The following CANX variants were observed in gnomAD, a reference collection of about 807,000 sequenced individuals.
CANX encodes calnexin.
CANX carries 14 observed loss-of-function variants against 75.7 expected under a neutral mutation model. The ratio of observed to expected loss-of-function variants is 0.19; its 90% CI spans 0.12 to 0.29. The LOEUF is 0.29. CANX is among the 10% of genes least tolerant of loss of function. CANX has a pLI of 1.00. For missense variants in CANX, 567 were observed against 713.2 expected (o/e 0.79, Z 2.34); for synonymous variants, 227 against 236.9 (o/e 0.96, Z 0.38).
chr5:179,720,876 C>T (rs907253242), intron 10 of CANX, among the ~76,000 whole-genome samples: 6 of 152,068 alleles, frequency 3.9e-5, no homozygotes, highest in Admixed American at 1.3e-4. Context: ...CTCTGCCTTC[C>T]GGTTTCAAGC....
chr5:179,705,603 T>G, intron 1 of CANX, 76 bp from the exon 2 acceptor site: 13 of 1,025,988 alleles, frequency 1.3e-5, no homozygotes, highest in African/African-American at 1.6e-5. Flanking sequence ...TAATTTTAAA[T>G]GAGAGAGTGG....
intron 4 of CANX, 100 bp from the exon 5 acceptor site, chr5:179,708,139 A>C: frequency 1.1e-6 from 1 of 938,466 alleles, no homozygotes; most frequent in South Asian, 1.4e-5. Flanking sequence ...CGGCTGCCCC[A>C]GTATAATATA....
chr5:179,697,184 C>T (rs1050923063), upstream of CANX, among the ~76,000 whole-genome samples: 8 of 152,114 alleles, frequency 5.3e-5, no homozygotes, highest in Non-Finnish European at 1.2e-4. Flanking sequence ...CCTCAGTCTT[C>T]CTAGTATCTG....
chr5:179,681,817 ATG>A (rs1776070825), intron 1 of CANX, among the ~76,000 whole-genome samples: 1 of 152,030 alleles, frequency 6.6e-6, no homozygotes, highest in Non-Finnish European at 1.5e-5. Flanking sequence ...GCGTGGTGGC[ATG>A]CGACTGTAGT....
chr5:179,700,459 A>C (rs1482873943), intron 1 of CANX: 1 of 152,208 alleles, frequency 6.6e-6, no homozygotes, highest in Non-Finnish European at 1.5e-5. Flanking sequence ...ATTTGGTATA[A>C]TTATACTTAG....
chr5:179,704,590 C>T (rs1398253455), intron 1 of CANX, among the ~76,000 whole-genome samples: 1 of 151,422 alleles, frequency 6.6e-6, no homozygotes, highest in East Asian at 1.9e-4. Flanking sequence ...AATCCCAGCA[C>T]TTTGGGAGGC....
rs1778229438 is a variant in CANX at position 179,720,317 on chromosome 5, C to G, written c.1026-87C>G. The G allele has an allele frequency of 5.5e-6, 5 of 913,426 alleles. No homozygotes were observed. In the South Asian group the frequency reaches 6.9e-5, roughly 13 times the overall value. 56.6% of individuals were successfully genotyped at this position (913,426 alleles called of 1,614,324 possible). A position where few individuals can be genotyped will look rare whatever the true frequency, so the allele number is the denominator to read the frequency against. Reference sequence around the variant, plus strand: ...CTGGGATACTGTGAAAACATTTCAGCAGGATCTTGGCAGCCCTGGGCCAGC... The same window carrying G: ...CTGGGATACTGTGAAAACATTTCAGGAGGATCTTGGCAGCCCTGGGCCAGC... On this transcript the variant is annotated intron_variant, in intron 9 of 14. Coordinates refer to ENST00000247461, the MANE Select transcript of CANX (RefSeq NM_001746.4).
intron 7 of CANX, among the ~76,000 whole-genome samples, 196 bp downstream of exon 7, chr5:179,710,261 A>G (rs554843712): frequency 2.7e-4 from 41 of 151,944 alleles, no homozygotes; most frequent in Non-Finnish European, 5.6e-4. Flanking sequence ...CACCTCTACT[A>G]AAAATACAAA....
intron 1 of CANX, among the ~76,000 whole-genome samples, chr5:179,684,924 G>GTTTTTTTTTTTTTTTT (rs781629512): frequency 1.0e-4 from 3 of 28,980 alleles, no homozygotes; most frequent in Non-Finnish European, 1.4e-4. Context: ...GGCTAATTTT[G>GTTTTTTTTTTTTTTTT]TATTTTTTTT....
At chr5:179,717,574 T>C (rs1035127491) in intron 8 of CANX, among the ~76,000 whole-genome samples, 1 of 152,222 alleles carries the variant, frequency 6.6e-6, no homozygotes, top group African/African-American at 2.4e-5. Flanking sequence ...TTGAATAAAT[T>C]CTACTGTTTT....
intron 7 of CANX, among the ~76,000 whole-genome samples, chr5:179,714,619 G>A (rs557991747): frequency 1.3e-5 from 2 of 151,780 alleles, no homozygotes; most frequent in African/African-American, 2.4e-5. Context: ...CCGGGTTCAC[G>A]CCATTCTCCT....
At chr5:179,694,935 C>G (rs1776365763), upstream of CANX, among the ~76,000 whole-genome samples, 1 of 151,854 alleles carries the variant, frequency 6.6e-6, no homozygotes, top group Non-Finnish European at 1.5e-5. Context: ...AAGCTGGATA[C>G]GAAGGATAAA....
intron 1 of CANX, 28 bp downstream of exon 1, chr5:179,699,130 CG>C (rs1562453648): frequency 9.8e-7 from 1 of 1,023,422 alleles, no homozygotes; most frequent in Non-Finnish European, 1.2e-6. Context: ...AGCGCGTCCT[CG>C]GGCCTGTGAG....
upstream of CANX, among the ~76,000 whole-genome samples, chr5:179,696,597 G>C (rs757787212): frequency 4.6e-5 from 7 of 152,106 alleles, no homozygotes; most frequent in African/African-American, 7.2e-5. Flanking sequence ...TCTGCTTCTA[G>C]AGTTTCAGGC....
intron 7 of CANX, among the ~76,000 whole-genome samples, chr5:179,714,002 CTTTTTGTTT>C (rs1003699008): frequency 1.9e-4 from 29 of 151,898 alleles, no homozygotes; most frequent in Non-Finnish European, 2.6e-4. Context: ...TTGTTTTGTT[CTTTTTGTTT>C]TTTTGAGATG....
rs187781783 is a variant in CANX, at chr5:179,718,912, G to A, written c.912-756G>A. Among the ~76,000 whole-genome samples, 11 of 151,434 alleles carry A rather than the reference G, an allele frequency of 7.3e-5. No homozygotes were observed. The East Asian group carries it at 2.1e-3, about 30-fold the overall frequency. ...ACTCCTGTCCTCAGGTGATCCACCC[G>A]CCTTGGCCTCCCAAAGTGCTGGGAT... On this transcript the variant is annotated intron_variant, in intron 8 of 14. Coordinates refer to ENST00000247461, the MANE Select transcript of CANX (RefSeq NM_001746.4).
Position 179,715,914 on chromosome 5 carries a change from A to C in CANX, c.722-191A>C, listed in dbSNP as rs1427543349. The C allele has an allele frequency of 7.3e-6, 5 of 682,672 alleles. 1 individual carries two copies. In the South Asian group the frequency reaches 7.6e-5, roughly 10 times the overall value. 42.3% of individuals were successfully genotyped at this position (682,672 alleles called of 1,614,324 possible). ...TAATTCTTAGAAAGCCGAGGGACTA[A>C]TCATTTATGTTTCGTGCATAAGGAA... On this transcript the variant is annotated intron_variant, in intron 7 of 14. Transcript: ENST00000247461.
rs56719864 is a variant in CANX, at chr5:179,723,087, G to A, written c.1398+68G>A. Reference sequence around the variant, plus strand: ...GAGCTGTTATTTTGTGAAAGTCTGTGTTAAGGTTTTTTTTCTTCATTTGGC... The same window carrying A: ...GAGCTGTTATTTTGTGAAAGTCTGTATTAAGGTTTTTTTTCTTCATTTGGC... On this transcript the variant is annotated intron_variant, in intron 11 of 14. Coordinates refer to ENST00000247461, the MANE Select transcript of CANX (RefSeq NM_001746.4). 2,832 of 1,392,008 alleles carry A rather than the reference G, an allele frequency of 2.0e-3. 62 individuals carry two copies. In the African/African-American group the frequency reaches 0.035, roughly 17 times the overall value. The allele number at this position is 1,392,008 out of a possible 1,614,324, so 86.2% of individuals were successfully genotyped here. A position where few individuals can be genotyped will look rare whatever the true frequency, so the allele number is the denominator to read the frequency against.
In CANX at chr5:179,678,835, G is replaced by A. The variant is rs1336495999; in HGVS notation, c.-4+58G>A. On this transcript the variant is annotated intron_variant, in intron 1 of 14. Transcript: ENST00000681674. ...TGGACCGCTGCACCTGCGCCTTCCA[G>A]CCCCAGGCGGTCCGCGAGAGCAGCG... 2.6e-6 allele frequency: 4 copies of A among 1,536,798 alleles called. No individual in the cohort carries two copies. In the Admixed American group the frequency reaches 5.9e-5, roughly 23 times the overall value.
Sources: gnomAD v4.1 joint callset for allele counts (sites outside exome capture counted in the v4.1 genomes callset) on GRCh38, gnomAD v4.1.1 for gene constraint, MANE v1.5 for transcripts, NCBI Gene and HGNC (gene_info 2026-07-23, HGNC 2026-07-21) for gene names.